KCNAB1: variants seen among roughly 807,000 people sequenced by gnomAD.
The protein encoded by KCNAB1 is voltage-gated potassium channel subunit beta-1.
In KCNAB1, 35 loss-of-function variants were observed where a neutral mutation model predicts 64.6. That is an observed-to-expected ratio of 0.54 (90% CI 0.41 to 0.72). The LOEUF is 0.72. Ranked by LOEUF, KCNAB1 falls within the 30% of genes least tolerant of loss-of-function variation. The pLI is 0.00. For synonymous variants in KCNAB1, 177 were observed against 183.8 expected (o/e 0.96, Z 0.30); for missense variants, 401 against 512.9 (o/e 0.78, Z 2.11).
chr3:156,441,681 T>C (rs1313494915), intron 2 of KCNAB1, among the ~76,000 whole-genome samples: 1 of 152,190 alleles, frequency 6.6e-6, no homozygotes, highest in Non-Finnish European at 1.5e-5. Flanking sequence ...CTACATTAAC[T>C]ACTGGATACA....
chr3:156,267,667 G>T, intron 1 of KCNAB1, among the ~76,000 whole-genome samples: 1 of 152,056 alleles, frequency 6.6e-6, no homozygotes, highest in Non-Finnish European at 1.5e-5. Context: ...CTATCTGCTG[G>T]TAGAGTCTTC....
intron 1 of KCNAB1, among the ~76,000 whole-genome samples, chr3:156,332,736 C>A (rs533974974): frequency 6.6e-6 from 1 of 152,232 alleles, no homozygotes; most frequent in South Asian, 2.1e-4. Flanking sequence ...GTGATACAAA[C>A]CCATTGGGTA....
At chr3:156,512,198 T>C (rs1308292016) in intron 8 of KCNAB1, among the ~76,000 whole-genome samples, 1 of 152,200 alleles carries the variant, frequency 6.6e-6, no homozygotes, top group Non-Finnish European at 1.5e-5. Context: ...TCCAGGAAAT[T>C]TGTGTCTGTT....
chr3:156,180,699 A>G (rs1237214773), intron 1 of KCNAB1, among the ~76,000 whole-genome samples: 1 of 152,224 alleles, frequency 6.6e-6, no homozygotes, highest in Non-Finnish European at 1.5e-5. Flanking sequence ...GATAGAGATG[A>G]GTAAAACATC....
At chr3:156,493,088 TGTCA>T (rs1333985458) in intron 8 of KCNAB1, among the ~76,000 whole-genome samples, 2 of 152,166 alleles carry the variant, frequency 1.3e-5, no homozygotes, top group Admixed American at 6.5e-5. Context: ...TGGCTGTGTC[TGTCA>T]AAGTCTAGAC....
At chr3:156,335,034 C>A (rs893378380) in intron 1 of KCNAB1, among the ~76,000 whole-genome samples, 3 of 152,176 alleles carry the variant, frequency 2.0e-5, no homozygotes, top group Non-Finnish European at 4.4e-5. Flanking sequence ...AGAAACAAAT[C>A]GGATCACAAT....
chr3:156,372,432 T>G (rs926410711), intron 1 of KCNAB1, among the ~76,000 whole-genome samples: 1 of 152,252 alleles, frequency 6.6e-6, no homozygotes, highest in Non-Finnish European at 1.5e-5. Flanking sequence ...CAGAATCACC[T>G]GGAAGCCTTG....
At chr3:156,215,853 G>A (rs1477638238) in intron 1 of KCNAB1, 1 of 152,206 alleles carries the variant, frequency 6.6e-6, no homozygotes, top group South Asian at 2.1e-4. Context: ...TTTTCGAGGA[G>A]AGAGATGACA....
chr3:156,405,993 C>T (rs1714221091), intron 1 of KCNAB1, among the ~76,000 whole-genome samples: 1 of 152,096 alleles, frequency 6.6e-6, no homozygotes, highest in African/African-American at 2.4e-5. Context: ...TTTTTGTAAG[C>T]CCATTAGTAT....
intron 1 of KCNAB1, among the ~76,000 whole-genome samples, chr3:156,266,775 C>T (rs892203273): frequency 6.6e-6 from 1 of 152,150 alleles, no homozygotes; most frequent in Non-Finnish European, 1.5e-5. Flanking sequence ...AATTCTTCCA[C>T]ATCAGTCAGC....
At chr3:156,180,104 G>C (rs567052754) in intron 1 of KCNAB1, among the ~76,000 whole-genome samples, 7 of 152,300 alleles carry the variant, frequency 4.6e-5, no homozygotes, top group African/African-American at 1.7e-4. Flanking sequence ...GATTAAATAA[G>C]TTGTCAGAGG....
intron 1 of KCNAB1, chr3:156,382,249 T>G (rs1468712780): frequency 6.6e-6 from 1 of 152,138 alleles, no homozygotes; most frequent in Non-Finnish European, 1.5e-5. Context: ...TTTGGGAGGC[T>G]GAGGCGGGTG....
At chr3:156,302,970 G>T (rs1176548940) in intron 1 of KCNAB1, among the ~76,000 whole-genome samples, 2 of 152,192 alleles carry the variant, frequency 1.3e-5, no homozygotes, top group Non-Finnish European at 2.9e-5. Flanking sequence ...CATCTGGGAG[G>T]CTCTGTTCAC....
intron 1 of KCNAB1, among the ~76,000 whole-genome samples, chr3:156,199,854 G>A (rs1714210053): frequency 6.6e-6 from 1 of 152,164 alleles, no homozygotes; most frequent in South Asian, 2.1e-4. Flanking sequence ...CCAGTTTTGT[G>A]CCCTTGCTGG....
At chr3:156,141,802 C>G (rs773458302) in intron 1 of KCNAB1, among the ~76,000 whole-genome samples, 2 of 152,156 alleles carry the variant, frequency 1.3e-5, no homozygotes, top group Non-Finnish European at 2.9e-5. Context: ...ATTGCTGTGT[C>G]ATATAGTAAG....
chr3:156,431,920 A>G (rs1716239996), intron 2 of KCNAB1, among the ~76,000 whole-genome samples: 1 of 152,190 alleles, frequency 6.6e-6, no homozygotes, highest in Non-Finnish European at 1.5e-5. Context: ...TGGTTGGTTT[A>G]TGTATCCATC....
chr3:156,499,113 G>T (rs1716205131), intron 8 of KCNAB1, among the ~76,000 whole-genome samples: 2 of 152,192 alleles, frequency 1.3e-5, no homozygotes, highest in Admixed American at 1.3e-4. Context: ...AGTTAGTTAA[G>T]GCTTTAGAGG....
intron 2 of KCNAB1, among the ~76,000 whole-genome samples, chr3:156,440,989 A>T (rs1331721811): frequency 6.6e-6 from 1 of 152,144 alleles, no homozygotes; most frequent in African/African-American, 2.4e-5. Flanking sequence ...AAGTACATGA[A>T]TCATTTTATA....
At chr3:156,335,034 C>T (rs893378380) in intron 1 of KCNAB1, among the ~76,000 whole-genome samples, 12 of 152,292 alleles carry the variant, frequency 7.9e-5, no homozygotes, top group African/African-American at 2.4e-4. Context: ...AGAAACAAAT[C>T]GGATCACAAT....
Sources: allele counts gnomAD v4.1 joint callset (sites outside exome capture counted in the v4.1 genomes callset), GRCh38; gene constraint gnomAD v4.1.1; transcripts MANE v1.5; gene names NCBI Gene and HGNC (gene_info 2026-07-23, HGNC 2026-07-21).